The following GPHN variants were observed in gnomAD, a reference collection of about 807,000 sequenced individuals.
GPHN encodes gephyrin.
A neutral mutation model predicts 95.5 loss-of-function variants in GPHN; 17 were observed. The ratio of observed to expected loss-of-function variants is 0.18; its 90% CI spans 0.12 to 0.27. The LOEUF is 0.27. Ranked by LOEUF, GPHN falls within the 10% of genes least tolerant of loss-of-function variation. The probability of loss-of-function intolerance (pLI) is 1.00; values close to 1 mark genes in which losing one functional copy is unlikely to be tolerated. For missense variants in GPHN, 660 were observed against 978.1 expected, an observed-to-expected ratio of 0.67 and a Z score of 4.34; for synonymous variants, 320 against 322.5, an observed-to-expected ratio of 0.99 and a Z score of 0.08.
At chr14:67,352,055 TG>T in the GPHN span, among the ~76,000 whole-genome samples, 1 of 151,434 alleles carries the variant, frequency 6.6e-6, no homozygotes, top group African/African-American at 2.4e-5. Context: ...AAGGATGAGG[TG>T]GAATGATCAC....
At chr14:66,814,193 C>T (rs575961092) in intron 3 of GPHN, among the ~76,000 whole-genome samples, 1 of 152,298 alleles carries the variant, frequency 6.6e-6, no homozygotes, top group African/African-American at 2.4e-5. Context: ...ACTAACATTG[C>T]ACAGAGAACA....
chr14:66,909,434 A>T (rs1440066473), intron 5 of GPHN, among the ~76,000 whole-genome samples: 8 of 152,090 alleles, frequency 5.3e-5, no homozygotes, highest in Admixed American at 5.2e-4. Context: ...AAAATAAGAT[A>T]CTAACATATC....
At chr14:67,040,355 T>C (rs1383832123) in intron 10 of GPHN, among the ~76,000 whole-genome samples, 1 of 152,156 alleles carries the variant, frequency 6.6e-6, no homozygotes, top group African/African-American at 2.4e-5. Context: ...GATGCCTCTT[T>C]ACCCCTAAAT....
chr14:66,902,597 A>T (rs1002910793), intron 5 of GPHN, among the ~76,000 whole-genome samples: 1 of 152,074 alleles, frequency 6.6e-6, no homozygotes, highest in Non-Finnish European at 1.5e-5. Flanking sequence ...GCTTCATTAA[A>T]TGTTTTTACA....
the GPHN span, among the ~76,000 whole-genome samples, chr14:67,533,149 A>AGGAG: frequency 6.6e-6 from 1 of 151,354 alleles, no homozygotes; most frequent in African/African-American, 2.4e-5. Flanking sequence ...AGCCGAGGGG[A>AGGAG]GGAGGGCGCC....
chr14:67,571,900 G>A, the GPHN span: 12 of 1,606,934 alleles, frequency 7.5e-6, no homozygotes, highest in Non-Finnish European at 1.0e-5. Flanking sequence ...GCCATCAAGA[G>A]AGGTACAGAG....
chr14:67,473,835 G>A, the GPHN span: 1 of 1,613,540 alleles, frequency 6.2e-7, no homozygotes, highest in Non-Finnish European at 8.5e-7. This position sits in a 1 kb window ranked among gnomAD's most constrained non-coding sequence, Gnocchi z 6.5. Flanking sequence ...GAACTCCCAG[G>A]CCGCTGTGAA....
chr14:67,310,113 T>A, the GPHN span, among the ~76,000 whole-genome samples: 1 of 152,072 alleles, frequency 6.6e-6, no homozygotes, highest in Admixed American at 6.6e-5. Context: ...CATAGGAGAT[T>A]TTTCCTCATG....
At chr14:67,301,769 G>A in the GPHN span, among the ~76,000 whole-genome samples, 11 of 152,016 alleles carry the variant, frequency 7.2e-5, no homozygotes, top group South Asian at 4.1e-4. Flanking sequence ...GTTATCTTCC[G>A]AAGTTTAGTA....
chr14:67,035,529 A>G (rs1031361455), intron 10 of GPHN, among the ~76,000 whole-genome samples: 1 of 151,648 alleles, frequency 6.6e-6, no homozygotes, highest in Non-Finnish European at 1.5e-5. Context: ...AACTAAAATC[A>G]GAAATAAAAG....
At chr14:67,729,394 A>C in the GPHN span, 394 of 1,596,558 alleles carry the variant, frequency 2.5e-4, no homozygotes, top group Non-Finnish European at 3.0e-5. Context: ...TGTGAAGGCA[A>C]TGCGGTTCTC....
chr14:67,157,418 G>C (rs2081660667), intron 18 of GPHN, among the ~76,000 whole-genome samples: 1 of 152,108 alleles, frequency 6.6e-6, no homozygotes, highest in African/African-American at 2.4e-5. Context: ...CCAGTCTTTG[G>C]AGTTCAGAGG....
the GPHN span, among the ~76,000 whole-genome samples, chr14:67,322,382 T>C: frequency 1.3e-5 from 2 of 152,108 alleles, no homozygotes; most frequent in African/African-American, 4.8e-5. Flanking sequence ...TTTTAGAAAC[T>C]TGGAGTTTTT....
At chr14:66,970,763 G>C (rs2069702692) in intron 9 of GPHN, among the ~76,000 whole-genome samples, 1 of 152,110 alleles carries the variant, frequency 6.6e-6, no homozygotes, top group African/African-American at 2.4e-5. Flanking sequence ...TGACATTATA[G>C]AAATAGATTC....
chr14:67,563,087 A>C, the GPHN span, among the ~76,000 whole-genome samples: 6 of 152,220 alleles, frequency 3.9e-5, no homozygotes, highest in East Asian at 1.2e-3. Context: ...GAATGATGTG[A>C]ATGGCGGTTG....
the GPHN span, among the ~76,000 whole-genome samples, chr14:67,605,477 C>G: frequency 6.6e-6 from 1 of 152,130 alleles, no homozygotes; most frequent in Non-Finnish European, 1.5e-5. Context: ...CCACCTTGGC[C>G]TCCCAAAGTG....
intron 9 of GPHN, among the ~76,000 whole-genome samples, chr14:66,996,518 T>A (rs2071808300): frequency 6.6e-6 from 1 of 152,148 alleles, no homozygotes; most frequent in Non-Finnish European, 1.5e-5. Context: ...AATGACTCTT[T>A]TGAATTAGGT....
chr14:66,692,137 T>A (rs1037419036), intron 2 of GPHN, among the ~76,000 whole-genome samples: 7 of 152,196 alleles, frequency 4.6e-5, no homozygotes, highest in African/African-American at 9.6e-5. Context: ...ATATATATAG[T>A]TAACTCCCAA....
chr14:67,026,364 A>T (rs1056086946), intron 10 of GPHN, among the ~76,000 whole-genome samples: 1 of 152,198 alleles, frequency 6.6e-6, no homozygotes, highest in African/African-American at 2.4e-5. Context: ...AATACTACCA[A>T]TTACCATTAT....
Sources: allele counts gnomAD v4.1 joint callset (sites outside exome capture counted in the v4.1 genomes callset), GRCh38; gene constraint gnomAD v4.1.1; non-coding constraint Gnocchi (gnomAD v3.1); transcripts MANE v1.5; gene names NCBI Gene and HGNC (gene_info 2026-07-23, HGNC 2026-07-21).